The following SFI1 variants were observed in gnomAD, a reference collection of about 807,000 sequenced individuals.
SFI1 encodes SFI1 centrin binding protein.
A neutral mutation model predicts 207.5 loss-of-function variants in SFI1; 195 were observed. The ratio of observed to expected loss-of-function variants is 0.94; its 90% CI spans 0.84 to 1.06. The LOEUF is 1.06. Ranked by LOEUF, SFI1 falls within the 50% of genes least tolerant of loss-of-function variation. The pLI, the probability that SFI1 is intolerant of heterozygous loss-of-function variation, is 0.00. For missense variants in SFI1, 1,634 were observed against 1,588.0 expected (o/e 1.03, Z -0.49); for synonymous variants, 630 against 598.9 (o/e 1.05, Z -0.76).
At chr22:31,591,669 C>A (rs1321599540) in intron 15 of SFI1, among the ~76,000 whole-genome samples, 1 of 90,826 alleles carries the variant, frequency 1.1e-5, no homozygotes, top group Admixed American at 9.8e-5. Context: ...ACCTCCCTCC[C>A]GGACGGGGCG....
intron 12 of SFI1, among the ~76,000 whole-genome samples, chr22:31,582,396 C>T (rs1428328072): frequency 1.3e-5 from 2 of 149,866 alleles, no homozygotes; most frequent in Admixed American, 6.7e-5. Flanking sequence ...GGACTACAGA[C>T]GCACACCATC....
chr22:31,541,824 T>G (rs1246198768), intron 4 of SFI1, among the ~76,000 whole-genome samples: 1 of 149,182 alleles, frequency 6.7e-6, no homozygotes, highest in Middle Eastern at 3.4e-3. Flanking sequence ...CAGTTTAGGC[T>G]GGGCATAGTG....
chr22:31,555,711 A>C (rs945462944), intron 6 of SFI1, among the ~76,000 whole-genome samples: 1 of 152,220 alleles, frequency 6.6e-6, no homozygotes, highest in African/African-American at 2.4e-5. Context: ...TAGGTGTGTA[A>C]TAAATGAAAG....
At chr22:31,560,680 G>A (rs2061604034) in intron 7 of SFI1, among the ~76,000 whole-genome samples, 1 of 149,660 alleles carries the variant, frequency 6.7e-6, no homozygotes, top group African/African-American at 2.5e-5. Flanking sequence ...TAGGATTACA[G>A]GCGTGAGCCA....
At chr22:31,592,730 G>C (rs1277781661) in intron 15 of SFI1, among the ~76,000 whole-genome samples, 1 of 93,482 alleles carries the variant, frequency 1.1e-5, no homozygotes. Flanking sequence ...GGGCAGAGGG[G>C]CTCCTCACTT....
At chr22:31,616,335 C>T in intron 29 of SFI1, 1 of 168,462 alleles carries the variant, frequency 5.9e-6, no homozygotes, top group Non-Finnish European at 1.3e-5. Context: ...CCACTCTCAC[C>T]AGGAGAGGAG....
intron 15 of SFI1, among the ~76,000 whole-genome samples, chr22:31,590,894 T>TC (rs1337641317): frequency 6.6e-6 from 1 of 150,848 alleles, no homozygotes; most frequent in African/African-American, 2.4e-5. Context: ...TTGAATTGCT[T>TC]CTCTCTTTTT....
At chr22:31,539,713 T>C (rs921010238) in intron 4 of SFI1, among the ~76,000 whole-genome samples, 15 of 151,988 alleles carry the variant, frequency 9.9e-5, no homozygotes, top group Admixed American at 3.3e-4. Context: ...CTAAAAAGCT[T>C]ATTTTAGAAG....
rs540885722 is a variant in SFI1, at chr22:31,536,568, T to C, written c.338+5439T>C. Among the ~76,000 whole-genome samples the C allele has an allele frequency of 7.2e-5, 11 of 152,296 alleles. No homozygotes were observed. In the East Asian group the frequency reaches 1.5e-3, roughly 21 times the overall value. On this transcript the variant is annotated intron_variant, in intron 4 of 32. Transcript: ENST00000400288. ...CTGGGATTAAAGGTGCACGCCACCA[T>C]GCTCTGCTAATTTTTTGTGTTTTTA... is the stretch of plus-strand genomic sequence containing the variant.
At chr22:31,571,353 C>G (rs952312283) in intron 8 of SFI1, among the ~76,000 whole-genome samples, 1 of 152,082 alleles carries the variant, frequency 6.6e-6, no homozygotes, top group African/African-American at 2.4e-5. Flanking sequence ...CACTCTGTTG[C>G]CCAGACTAGA....
At position 31,606,683 on chromosome 22, in the gene SFI1, TTC is replaced by T. The variant is rs2069038114; in HGVS notation, c.2157+255_2157+256del. 2.4e-5 allele frequency: 7 copies of T among 291,922 alleles called. No individual in the cohort carries two copies. The Admixed American group carries it at 3.1e-4, about 13-fold the overall frequency. 18.1% of individuals were successfully genotyped at this position (291,922 alleles called of 1,614,324 possible). On this transcript the variant is annotated intron_variant, in intron 21 of 32. Coordinates refer to ENST00000400288, the MANE Select transcript of SFI1 (RefSeq NM_001007467.3). ...ACTAGTTCTTATCAGAACCAGTATT[TTC>T]TTTTTTTCTTTTTTTTTTTTTTTTT...
intron 30 of SFI1, 51 bp downstream of exon 30, chr22:31,616,928 C>T (rs370569385): frequency 1.2e-6 from 2 of 1,612,118 alleles, no homozygotes; most frequent in Non-Finnish European, 1.7e-6. Context: ...CACTCCCGGA[C>T]CTGGGACTTG....
chr22:31,531,236 C>T lies in SFI1; in HGVS notation c.338+107C>T, dbSNP rs573662083. The T allele has an allele frequency of 7.1e-6, 6 of 847,142 alleles. No homozygotes were observed. In the African/African-American group the frequency reaches 8.5e-5, roughly 12 times the overall value. 52.5% of individuals were successfully genotyped at this position (847,142 alleles called of 1,614,324 possible). On this transcript the variant is annotated intron_variant, in intron 4 of 32. Transcript: ENST00000400288. ...TTATGGCTTGTGCTGTTACATTCCTCCCCAGCCTCCAGTAGGTAGAAGCAG... is the reference window on the plus strand; with the variant it reads ...TTATGGCTTGTGCTGTTACATTCCTTCCCAGCCTCCAGTAGGTAGAAGCAG...
chr22:31,539,445 C>T (rs569760903), intron 4 of SFI1, among the ~76,000 whole-genome samples: 43 of 152,242 alleles, frequency 2.8e-4, no homozygotes, highest in Non-Finnish European at 2.8e-4. Context: ...TTTCCGAGAG[C>T]TTGTTCTTGT....
intron 2 of SFI1, among the ~76,000 whole-genome samples, chr22:31,514,996 TCTTGACCTCATGATTGCCCAC>T (rs1229876084): frequency 8.5e-5 from 13 of 152,210 alleles, no homozygotes; most frequent in African/African-American, 3.1e-4. Flanking sequence ...GGTCTCAATC[TCTTGACCTCATGATTGCCCAC>T]CTCAGCCTCT....
At chr22:31,600,168 A>G (rs1409755107) in intron 15 of SFI1, among the ~76,000 whole-genome samples, 1 of 152,200 alleles carries the variant, frequency 6.6e-6, no homozygotes, top group Non-Finnish European at 1.5e-5. Flanking sequence ...GATTACAGGC[A>G]TGAGCCACCA....
In SFI1 at chr22:31,603,816, G is replaced by A. The variant is rs2068514775; in HGVS notation, c.1878G>A (p.Arg626=). ...TGCGTTGGGCCTGGAGCCAGTGGAG[G>A]GAGGTAAGGCTTTGGTGCGAGGTGC... ...QLLRWAWSQW[R]ECLALRGAER... Residue 626 remains arginine (R), a synonymous_variant, in exon 18 of 33, where the codon AGG becomes AGA. Transcript: ENST00000400288. The A allele has an allele frequency of 6.4e-7, 1 of 1,571,686 alleles. No homozygotes were observed. Among genetic ancestry groups the A allele is most frequent in the Non-Finnish European group, 8.6e-7 (1 of 1,167,350 alleles).
intron 31 of SFI1, 82 bp downstream of exon 31, chr22:31,617,160 C>A: frequency 6.8e-7 from 1 of 1,480,370 alleles, no homozygotes; most frequent in Non-Finnish European, 9.3e-7. Flanking sequence ...TCCATTTCCC[C>A]CGAGCCAGCT....
chr22:31,576,414 G>T (rs565031484), intron 10 of SFI1, among the ~76,000 whole-genome samples: 3 of 151,228 alleles, frequency 2.0e-5, no homozygotes, highest in African/African-American at 7.3e-5. Context: ...TCTGCCTCCC[G>T]GGTTCAAGTG....
Sources: gnomAD v4.1 joint callset for allele counts (sites outside exome capture counted in the v4.1 genomes callset) on GRCh38, gnomAD v4.1.1 for gene constraint, MANE v1.5 for transcripts, NCBI Gene and HGNC (gene_info 2026-07-23, HGNC 2026-07-21) for gene names.